The following RSU1 variants were observed in gnomAD, a reference collection of about 807,000 sequenced individuals.
RSU1 encodes rsu-1.
In RSU1, 26 loss-of-function variants were observed where a neutral mutation model predicts 31.1. The ratio of observed to expected loss-of-function variants is 0.84; its 90% confidence interval spans 0.61 to 1.16. The LOEUF (loss-of-function observed/expected upper bound fraction) is 1.16, where lower values mean the gene tolerates loss of function less well. RSU1 is among the 50% of genes most tolerant of loss of function. The probability of loss-of-function intolerance (pLI) is 0.00; values close to 1 mark genes in which losing one functional copy is unlikely to be tolerated. For synonymous variants in RSU1, 164 were observed against 136.3 expected, an observed-to-expected ratio of 1.20 and a Z score of -1.41; for missense variants, 320 against 339.1, an observed-to-expected ratio of 0.94 and a Z score of 0.44.
At chr10:16,764,004 G>A (rs549534681) in intron 4 of RSU1, among the ~76,000 whole-genome samples, 1 of 152,082 alleles carries the variant, frequency 6.6e-6, no homozygotes, top group Non-Finnish European at 1.5e-5. Flanking sequence ...CGGCACGAAG[G>A]TGCTTTGTAA....
chr10:16,812,729 G>C (rs939797496), intron 2 of RSU1, among the ~76,000 whole-genome samples: 5 of 151,720 alleles, frequency 3.3e-5, no homozygotes, highest in Non-Finnish European at 7.4e-5. Context: ...AATGATAAAG[G>C]CTTGACCACC....
chr10:16,796,760 G>A lies in RSU1; in HGVS notation c.110-14676C>T, dbSNP rs1036429867. Among the ~76,000 whole-genome samples the A allele has an allele frequency of 7.2e-5, 11 of 152,206 alleles. No homozygotes were observed. The South Asian group carries it at 1.0e-3, about 14-fold the overall frequency. On this transcript the variant is annotated intron_variant, in intron 2 of 8. Transcript: ENST00000345264. ...GTGGAGGCAGCATGGCAGATTTTAG[G>A]AATCCTGAAACCCTACATCAAAATA...
At chr10:16,736,764 C>G (rs1280801471) in intron 7 of RSU1, among the ~76,000 whole-genome samples, 2 of 151,772 alleles carry the variant, frequency 1.3e-5, no homozygotes, top group Admixed American at 6.6e-5. Flanking sequence ...AATGTTAAAA[C>G]AGCAATTTAA....
intron 8 of RSU1, among the ~76,000 whole-genome samples, chr10:16,688,964 T>A (rs978657058): frequency 6.6e-6 from 1 of 151,374 alleles, no homozygotes; most frequent in Non-Finnish European, 1.5e-5. Context: ...GCTATCATGG[T>A]GCCCCTGCAC....
At chr10:16,671,626 T>TG (rs1835106448) in intron 8 of RSU1, among the ~76,000 whole-genome samples, 3 of 150,894 alleles carry the variant, frequency 2.0e-5, no homozygotes, top group African/African-American at 7.4e-5. Flanking sequence ...AAGGTGTTTT[T>TG]TTTTGTTTGT....
At chr10:16,732,844 G>T (rs991811880) in intron 7 of RSU1, among the ~76,000 whole-genome samples, 1 of 152,144 alleles carries the variant, frequency 6.6e-6, no homozygotes, top group African/African-American at 2.4e-5. Flanking sequence ...TATTAGATAA[G>T]AATTTAATAA....
At chr10:16,600,523 T>C (rs986887642) in intron 8 of RSU1, among the ~76,000 whole-genome samples, 3 of 151,390 alleles carry the variant, frequency 2.0e-5, no homozygotes, top group Admixed American at 1.3e-4. Flanking sequence ...TAAGCAGATA[T>C]ATTATGCATG....
chr10:16,775,642 T>C (rs1179681006), intron 3 of RSU1, among the ~76,000 whole-genome samples: 1 of 152,134 alleles, frequency 6.6e-6, no homozygotes, highest in East Asian at 1.9e-4. Context: ...CAACAGACCC[T>C]CCCATAGCAT....
At chr10:16,675,968 A>T (rs1234934394) in intron 8 of RSU1, among the ~76,000 whole-genome samples, 1 of 152,220 alleles carries the variant, frequency 6.6e-6, no homozygotes, top group Non-Finnish European at 1.5e-5. Context: ...AAAGACAAAG[A>T]AGGGATCACG....
At chr10:16,788,989 A>C (rs144498018) in intron 2 of RSU1, among the ~76,000 whole-genome samples, 1 of 152,342 alleles carries the variant, frequency 6.6e-6, no homozygotes, top group East Asian at 1.9e-4. Flanking sequence ...AGAAAACTGA[A>C]GGTACTCCCA....
chr10:16,618,152 C>T (rs1007052695), intron 8 of RSU1, among the ~76,000 whole-genome samples: 7 of 151,910 alleles, frequency 4.6e-5, no homozygotes, highest in Non-Finnish European at 8.8e-5. Context: ...AACAACCCTA[C>T]CAAAAAGTGG....
intron 3 of RSU1, among the ~76,000 whole-genome samples, chr10:16,770,523 G>C (rs1464590680): frequency 2.0e-5 from 3 of 152,162 alleles, no homozygotes; most frequent in Non-Finnish European, 4.4e-5. Flanking sequence ...TGGGGAGTTG[G>C]GGGCTGCACT....
At chr10:16,768,856 A>T (rs572428261) in intron 3 of RSU1, among the ~76,000 whole-genome samples, 1 of 152,318 alleles carries the variant, frequency 6.6e-6, no homozygotes, top group South Asian at 2.1e-4. Context: ...AGGGTTCATT[A>T]ACTTCTCTTT....
chr10:16,639,480 C>A (rs1304983222), intron 8 of RSU1, among the ~76,000 whole-genome samples: 1 of 152,112 alleles, frequency 6.6e-6, no homozygotes, highest in Non-Finnish European at 1.5e-5. Context: ...TTATAGCTGG[C>A]AAAATATTTT....
chr10:16,750,808 C>G (rs959609152), intron 7 of RSU1, among the ~76,000 whole-genome samples: 1 of 151,826 alleles, frequency 6.6e-6, no homozygotes, highest in Non-Finnish European at 1.5e-5. Context: ...GCAGAAGCTC[C>G]CCAGCTATTA....
intron 8 of RSU1, among the ~76,000 whole-genome samples, chr10:16,690,438 G>C (rs1273043249): frequency 6.6e-6 from 1 of 152,096 alleles, no homozygotes; most frequent in East Asian, 1.9e-4. Flanking sequence ...ACATGATGAA[G>C]GGGCCGTGAT....
At position 16,648,269 on chromosome 10, in the gene RSU1, C is replaced by T. The variant is rs539117132; in HGVS notation, c.731+46754G>A. On this transcript the variant is annotated intron_variant, in intron 8 of 8. Coordinates refer to ENST00000345264, the MANE Select transcript of RSU1 (RefSeq NM_012425.4). The stretch of plus-strand genomic sequence containing the variant: ...GCACTAGCCTCCACACCTAGCGTTA[C>T]GTGCTTTCTTCTGAATGAAGTGTCT... 1.2e-4 allele frequency among the ~76,000 whole-genome samples: 18 copies of T among 152,168 alleles called. 1 individual carries two copies. Among genetic ancestry groups the T allele is most frequent in the Admixed American group, 9.2e-4 (14 of 15,294 alleles).
chr10:16,785,459 CATATATAT>C (rs199948724), intron 2 of RSU1, among the ~76,000 whole-genome samples: 2 of 68,752 alleles, frequency 2.9e-5, no homozygotes, highest in East Asian at 3.7e-4. Context: ...TACATATATA[CATATATAT>C]ATACACATAT....
intron 7 of RSU1, among the ~76,000 whole-genome samples, chr10:16,732,199 A>G (rs2131601408): frequency 6.6e-6 from 1 of 152,324 alleles, no homozygotes; most frequent in Non-Finnish European, 1.5e-5. Context: ...TTTATATTCA[A>G]GTCATGAAAT....
Sources: allele counts gnomAD v4.1 joint callset (sites outside exome capture counted in the v4.1 genomes callset), GRCh38; gene constraint gnomAD v4.1.1; transcripts MANE v1.5; gene names NCBI Gene and HGNC (gene_info 2026-07-23, HGNC 2026-07-21).